The following ABRA variants were observed in gnomAD, a reference collection of about 807,000 sequenced individuals.
ABRA encodes the protein actin-binding Rho-activating protein.
In ABRA, 25 loss-of-function variants were observed where a neutral mutation model predicts 33.4. The observed-to-expected ratio is 0.75, with a 90% CI of 0.55 to 1.04. ABRA has a LOEUF of 1.04. Among genes scored for constraint, ABRA ranks in the 50% least tolerant of loss-of-function variants. The pLI is 0.00. For synonymous variants in ABRA, 193 were observed against 176.8 expected (o/e 1.09, Z -0.73); for missense variants, 501 against 491.7 (o/e 1.02, Z -0.18).
At chr8:106,764,230 A>G (rs1246963940) in intron 1 of ABRA, among the ~76,000 whole-genome samples, 1 of 152,250 alleles carries the variant, frequency 6.6e-6, no homozygotes, top group Non-Finnish European at 1.5e-5. Flanking sequence ...TGCACGTTAT[A>G]TGGGTCTCCG....
intron 1 of ABRA, among the ~76,000 whole-genome samples, chr8:106,765,176 TTTCTTCATTATTA>T (rs1836197502): frequency 6.6e-6 from 1 of 152,188 alleles, no homozygotes; most frequent in African/African-American, 2.4e-5. Flanking sequence ...ACCTTCTCAG[TTTCTTCATTATTA>T]GTAAAAAAAC....
Position 106,769,861 on chromosome 8 carries a change from G to A in ABRA, c.330C>T (p.Ser110=), listed in dbSNP as rs777141472. The A allele has an allele frequency of 2.5e-6, 4 of 1,614,070 alleles. No homozygotes were observed. ...EVSHIKKKEV[S]KTVVSKTYER... ...CATAAGTCTTGCTGACCACCGTTTT[G>A]GACACCTCTTTCTTTTTGATGTGAG... is the stretch of plus-strand genomic sequence containing the variant. Residue 110 remains serine (S), a synonymous_variant, in exon 1 of 2, where the codon TCC becomes TCT. Transcript: ENST00000311955.
intron 1 of ABRA, among the ~76,000 whole-genome samples, chr8:106,762,521 T>A (rs1419922829): frequency 6.6e-6 from 1 of 152,156 alleles, no homozygotes; most frequent in Non-Finnish European, 1.5e-5. Context: ...ATCGTGAGGA[T>A]GCCAGCCTAA....
chr8:106,763,341 A>G (rs1563780763), intron 1 of ABRA, among the ~76,000 whole-genome samples: 1 of 152,242 alleles, frequency 6.6e-6, no homozygotes, highest in South Asian at 2.1e-4. Flanking sequence ...ATACTCCTAC[A>G]TGTAACACCA....
chr8:106,768,403 C>G (rs1255918111), intron 1 of ABRA, among the ~76,000 whole-genome samples: 1 of 152,136 alleles, frequency 6.6e-6, no homozygotes. Flanking sequence ...TATTTACCAT[C>G]TAGATATTTT....
At chr8:106,764,096 T>G (rs966000382) in intron 1 of ABRA, among the ~76,000 whole-genome samples, 6 of 152,352 alleles carry the variant, frequency 3.9e-5, no homozygotes, top group Admixed American at 3.9e-4. Flanking sequence ...GGTATCCAGA[T>G]AGCAGTTGGT....
chr8:106,760,916 T>A lies in ABRA; in HGVS notation c.*121A>T. On this transcript the variant is annotated 3_prime_UTR_variant, in exon 2 of 2. Transcript: ENST00000311955. ...AGAAATAGAATGCCAGAAAGTCGTTTATGTAAAAATTGTTTAATATTTACT... is the reference window on the plus strand; with the variant it reads ...AGAAATAGAATGCCAGAAAGTCGTTAATGTAAAAATTGTTTAATATTTACT... 1 of 913,848 alleles carries A rather than the reference T, an allele frequency of 1.1e-6. No homozygotes were observed. Among genetic ancestry groups the A allele is most frequent in the Non-Finnish European group, 1.7e-6 (1 of 591,510 alleles). 56.6% of individuals were successfully genotyped at this position (913,848 alleles called of 1,614,324 possible).
intron 1 of ABRA, among the ~76,000 whole-genome samples, chr8:106,761,981 A>G (rs1049359975): frequency 2.0e-5 from 3 of 152,280 alleles, no homozygotes; most frequent in African/African-American, 7.2e-5. Context: ...AGATTTTTAT[A>G]TGTGGATTTT....
rs372840862 is a variant in ABRA at position 106,761,400 on chromosome 8, C to T, written c.783G>A (p.Lys261=). The T allele has an allele frequency of 6.9e-5, 112 of 1,614,076 alleles. No homozygotes were observed. The highest frequency in any genetic ancestry group is 1.2e-4 in the Admixed American group (7 of 59,998). Reference sequence around the variant, plus strand: ...CAAACTCTTCACTGAAAGGATTGAGCTTCTGGGATTGTATGTGTTCATCAG... The same window carrying T: ...CAAACTCTTCACTGAAAGGATTGAGTTTCTGGGATTGTATGTGTTCATCAG... ...QWADEHIQSQ[K]LNPFSEEFDY... The change falls in exon 2 of 2, where the codon AAG becomes AAA. Residue 261 remains lysine, a synonymous_variant. Coordinates refer to ENST00000311955, the MANE Select transcript of ABRA (RefSeq NM_139166.5).
Position 106,770,224 on chromosome 8 carries a change from G to T in ABRA, c.-34C>A. On this transcript the variant is annotated 5_prime_UTR_variant, in exon 1 of 2. Transcript: ENST00000311955. Reference sequence around the variant, plus strand: ...CCTGTCTTTCTCTGCTGATAGCCTGGACACTGGCTAAAATGAGTGTGGTCC... The same window carrying T: ...CCTGTCTTTCTCTGCTGATAGCCTGTACACTGGCTAAAATGAGTGTGGTCC... 1 of 1,572,906 alleles carries T rather than the reference G, an allele frequency of 6.4e-7. No homozygotes were observed. The highest frequency in any genetic ancestry group is 1.2e-5 in the South Asian group (1 of 84,282).
chr8:106,765,852 G>A (rs748710960), intron 1 of ABRA, among the ~76,000 whole-genome samples: 24 of 152,068 alleles, frequency 1.6e-4, no homozygotes, highest in Non-Finnish European at 2.6e-4. Context: ...CTGAACTTTG[G>A]GAGTCATTAG....
chr8:106,768,381 T>TAC (rs1208759812), intron 1 of ABRA, among the ~76,000 whole-genome samples: 2 of 152,178 alleles, frequency 1.3e-5, no homozygotes, highest in African/African-American at 4.8e-5. Context: ...TGTATGTGAG[T>TAC]GTATGTATGT....
chr8:106,766,922 T>A (rs1184815319), intron 1 of ABRA, among the ~76,000 whole-genome samples: 2 of 152,162 alleles, frequency 1.3e-5, no homozygotes, highest in Non-Finnish European at 2.9e-5. Context: ...AATCTAATTG[T>A]CTCTTATTCC....
At chr8:106,762,738 A>G (rs1248971175) in intron 1 of ABRA, among the ~76,000 whole-genome samples, 1 of 152,160 alleles carries the variant, frequency 6.6e-6, no homozygotes, top group Non-Finnish European at 1.5e-5. Context: ...ACAGGTTGAT[A>G]GGTGCAGCAA....
rs745641736 is a variant in ABRA at position 106,761,020 on chromosome 8, C to A, written c.*17G>T. On this transcript the variant is annotated 3_prime_UTR_variant, in exon 2 of 2. Transcript: ENST00000311955. The stretch of plus-strand genomic sequence containing the variant: ...TAAGACCATAGTGGGCCAAATTTGG[C>A]TTTTGTTTTTGAAGGTTCACTTGAG... The A allele has an allele frequency of 1.2e-6, 2 of 1,601,444 alleles. No individual in the cohort carries two copies. Among genetic ancestry groups the A allele is most frequent in the Non-Finnish European group, 1.7e-6 (2 of 1,170,874 alleles).
chr8:106,765,013 A>G (rs932170634), intron 1 of ABRA, among the ~76,000 whole-genome samples: 1 of 152,150 alleles, frequency 6.6e-6, no homozygotes, highest in African/African-American at 2.4e-5. Context: ...ATACCAGATT[A>G]TGCTGTTTTT....
chr8:106,769,985 G>C lies in ABRA; in HGVS notation c.206C>G (p.Pro69Arg). Residue 69 changes from proline (P) to arginine (R), a missense_variant, in exon 1 of 2, where the codon CCT becomes CGT. Coordinates refer to ENST00000311955, the MANE Select transcript of ABRA (RefSeq NM_139166.5). ...SPQAPKPITP[P>R]TSHQKAQSAP... ...ACTCTGAGCTTTCTGGTGTGAAGTA[G>C]GGGGTGTGATTGGTTTAGGAGCTTG... is the stretch of plus-strand genomic sequence containing the variant. 1 of 1,614,014 alleles carries C rather than the reference G, an allele frequency of 6.2e-7. No individual in the cohort carries two copies. The highest frequency in any genetic ancestry group is 8.5e-7 in the Non-Finnish European group (1 of 1,180,008).
intron 1 of ABRA, among the ~76,000 whole-genome samples, chr8:106,765,131 C>T (rs1836197052): frequency 6.6e-6 from 1 of 152,166 alleles, no homozygotes; most frequent in Admixed American, 6.5e-5. Flanking sequence ...AACATTTCAC[C>T]CGCATTTTAC....
chr8:106,767,414 C>T (rs1203843176), intron 1 of ABRA, among the ~76,000 whole-genome samples: 3 of 152,186 alleles, frequency 2.0e-5, no homozygotes, highest in Non-Finnish European at 4.4e-5. Flanking sequence ...AATATGGTTC[C>T]TCATGTTCGG....
Sources: gnomAD v4.1 joint callset for allele counts (sites outside exome capture counted in the v4.1 genomes callset) on GRCh38, gnomAD v4.1.1 for gene constraint, MANE v1.5 for transcripts, NCBI Gene and HGNC (gene_info 2026-07-23, HGNC 2026-07-21) for gene names.